SEM1: variants seen among roughly 807,000 people sequenced by gnomAD.
SEM1 encodes the protein 26S proteasome complex subunit SEM1.
In SEM1, 3 loss-of-function variants were observed where a neutral mutation model predicts 12.7. That is an observed-to-expected ratio of 0.24 (90% CI 0.11 to 0.61). SEM1 has a LOEUF of 0.61. SEM1 is among the 20% of genes least tolerant of loss of function. SEM1 has a pLI of 0.88. For synonymous variants in SEM1, 30 were observed against 27.8 expected, an observed-to-expected ratio of 1.08 and a Z score of -0.25; for missense variants, 59 against 81.3, an observed-to-expected ratio of 0.73 and a Z score of 1.06.
intron 2 of SEM1, among the ~76,000 whole-genome samples, chr7:96,677,060 T>C (rs1321049702): frequency 6.6e-5 from 10 of 152,132 alleles, no homozygotes; most frequent in Admixed American, 6.6e-4. Flanking sequence ...GTCAGTTCCA[T>C]CAATCACCGA....
intron 3 of SEM1, chr7:96,484,089 C>A (rs900741760): frequency 9.3e-7 from 1 of 1,070,676 alleles, no homozygotes; most frequent in Non-Finnish European, 1.3e-6. Context: ...TAGGGTAGAT[C>A]CAATCATCCC....
At chr7:96,686,080 T>C (rs1448053922), downstream of SEM1, among the ~76,000 whole-genome samples, 5 of 152,134 alleles carry the variant, frequency 3.3e-5, no homozygotes, top group Non-Finnish European at 5.9e-5. Flanking sequence ...TTTTACTTCC[T>C]AACTTACTCT....
At chr7:96,582,957 T>A (rs1348750840) in intron 2 of SEM1, among the ~76,000 whole-genome samples, 1 of 152,176 alleles carries the variant, frequency 6.6e-6, no homozygotes, top group African/African-American at 2.4e-5. Flanking sequence ...AAGGGTTTTT[T>A]GTGTCTCTAT....
At chr7:96,670,836 T>C (rs960737662), downstream of SEM1, among the ~76,000 whole-genome samples, 3 of 152,226 alleles carry the variant, frequency 2.0e-5, no homozygotes, top group Non-Finnish European at 4.4e-5. Context: ...AAAATGTCTG[T>C]AGAGTACAAA....
chr7:96,699,357 T>C (rs1790200662), intron 1 of SEM1, among the ~76,000 whole-genome samples: 4 of 152,210 alleles, frequency 2.6e-5, no homozygotes, highest in Admixed American at 2.6e-4. Flanking sequence ...AGTCTTTCTA[T>C]CTTTTCAAAT....
At chr7:96,683,044 A>G (rs1789661910) in intron 2 of SEM1, among the ~76,000 whole-genome samples, 1 of 152,172 alleles carries the variant, frequency 6.6e-6, no homozygotes, top group African/African-American at 2.4e-5. Context: ...ATCATTAAAA[A>G]GTCAGGAAAC....
intron 2 of SEM1, 37 bp downstream of exon 2, chr7:96,694,761 A>T: frequency 7.9e-7 from 1 of 1,273,036 alleles, no homozygotes; most frequent in South Asian, 1.2e-5. Flanking sequence ...CTTATAATTA[A>T]TACTGAACTA....
At chr7:96,709,580 C>A in intron 1 of SEM1, 108 bp downstream of exon 1, 1 of 1,046,564 alleles carries the variant, frequency 9.6e-7, no homozygotes, top group Non-Finnish European at 1.4e-6. Flanking sequence ...CCCTGGGAGT[C>A]CAAACTTCCC....
At chr7:96,693,649 T>C (rs1381838465) in intron 2 of SEM1, among the ~76,000 whole-genome samples, 1 of 151,958 alleles carries the variant, frequency 6.6e-6, no homozygotes, top group Admixed American at 6.6e-5. Context: ...CTTCACACCC[T>C]GCTAGTACGA....
intron 2 of SEM1, among the ~76,000 whole-genome samples, chr7:96,630,252 G>A (rs1239006618): frequency 6.6e-6 from 1 of 152,150 alleles, no homozygotes; most frequent in Non-Finnish European, 1.5e-5. Context: ...AGGTCCAGAA[G>A]TGCCATCTGG....
intron 1 of SEM1, among the ~76,000 whole-genome samples, chr7:96,486,568 G>A (rs1802779600): frequency 6.6e-6 from 1 of 152,154 alleles, no homozygotes; most frequent in Admixed American, 6.6e-5. Context: ...AGCAGTGTAA[G>A]AGCAGGGGCT....
chr7:96,554,917 T>C (rs1805429597), intron 2 of SEM1, among the ~76,000 whole-genome samples: 1 of 135,996 alleles, frequency 7.4e-6, no homozygotes, highest in Non-Finnish European at 1.6e-5. Context: ...TTTCCTGGTT[T>C]AGTCTTGGGA....
intron 1 of SEM1, among the ~76,000 whole-genome samples, chr7:96,489,948 C>T (rs1033179094): frequency 6.6e-6 from 1 of 152,070 alleles, no homozygotes; most frequent in Non-Finnish European, 1.5e-5. Context: ...GACCCTATTT[C>T]TGAGTAAAGT....
At chr7:96,508,671 C>T (rs1200499522) in intron 2 of SEM1, among the ~76,000 whole-genome samples, 1 of 152,154 alleles carries the variant, frequency 6.6e-6, no homozygotes, top group African/African-American at 2.4e-5. Context: ...AATAGGACTG[C>T]ATCCCATTAA....
At chr7:96,504,297 G>T (rs753294861) in intron 3 of SEM1, among the ~76,000 whole-genome samples, 3 of 152,062 alleles carry the variant, frequency 2.0e-5, no homozygotes, top group Non-Finnish European at 4.4e-5. Context: ...TGGAACTCTT[G>T]TCTTAGAAAA....
chr7:96,708,212 G>C (rs150919159), intron 1 of SEM1: 1 of 152,112 alleles, frequency 6.6e-6, no homozygotes, highest in African/African-American at 2.4e-5. Context: ...ACTTGAAAGC[G>C]AGCTAAAGAA....
chr7:96,586,906 C>T (rs1806655158), intron 2 of SEM1, among the ~76,000 whole-genome samples: 1 of 152,094 alleles, frequency 6.6e-6, no homozygotes, highest in African/African-American at 2.4e-5. Flanking sequence ...CAATTCAAAG[C>T]TCCTGTTTTT....
chr7:96,539,228 G>A (rs1804877568), intron 2 of SEM1, among the ~76,000 whole-genome samples: 1 of 151,752 alleles, frequency 6.6e-6, no homozygotes, highest in Admixed American at 6.6e-5. Flanking sequence ...CTAACACCTT[G>A]ATTATAGATT....
intron 2 of SEM1, among the ~76,000 whole-genome samples, chr7:96,559,025 T>C (rs1458513725): frequency 6.6e-6 from 1 of 152,136 alleles, no homozygotes; most frequent in Non-Finnish European, 1.5e-5. Flanking sequence ...TAATGGGCAG[T>C]GTAAATTCTA....
Sources: gnomAD v4.1 joint callset for allele counts (sites outside exome capture counted in the v4.1 genomes callset) on GRCh38, gnomAD v4.1.1 for gene constraint, MANE v1.5 for transcripts, NCBI Gene and HGNC (gene_info 2026-07-23, HGNC 2026-07-21) for gene names.